CEP162: variants seen among roughly 807,000 people sequenced by gnomAD.
The protein encoded by CEP162 is centrosomal protein of 162 kDa.
Under a neutral mutation model 169.2 loss-of-function variants are expected in CEP162, and 141 were observed. The ratio of observed to expected loss-of-function variants is 0.83; its 90% confidence interval spans 0.73 to 0.96. The LOEUF (loss-of-function observed/expected upper bound fraction) is 0.96, where lower values mean the gene tolerates loss of function less well. Ranked by LOEUF, CEP162 falls within the 40% of genes least tolerant of loss-of-function variation. The probability of loss-of-function intolerance (pLI) is 0.00; values close to 1 mark genes in which losing one functional copy is unlikely to be tolerated. For synonymous variants in CEP162, 540 were observed against 526.4 expected (o/e 1.03, Z -0.35); for missense variants, 1,600 against 1,587.2 (o/e 1.01, Z -0.14).
chr6:84,193,374 T>C (rs2099540715), intron 11 of CEP162, among the ~76,000 whole-genome samples: 1 of 152,236 alleles, frequency 6.6e-6, no homozygotes, highest in Non-Finnish European at 1.5e-5. Context: ...TATTTTTCAG[T>C]GAAAACCTTT....
intron 2 of CEP162, among the ~76,000 whole-genome samples, chr6:84,224,390 G>C (rs1324542885): frequency 6.6e-6 from 1 of 152,096 alleles, no homozygotes; most frequent in Non-Finnish European, 1.5e-5. Context: ...AGGGAAGGGG[G>C]AACAAGGAGA....
intron 25 of CEP162, among the ~76,000 whole-genome samples, chr6:84,133,103 G>A (rs2129186042): frequency 2.0e-5 from 3 of 152,316 alleles, no homozygotes; most frequent in Admixed American, 2.0e-4. Context: ...CTGCAGGTCT[G>A]TTGGGAGTTT....
chr6:84,179,475 GTTCATATCCTT>G (rs2099533817), intron 13 of CEP162, among the ~76,000 whole-genome samples: 1 of 152,112 alleles, frequency 6.6e-6, no homozygotes, highest in Non-Finnish European at 1.5e-5. Flanking sequence ...AGAAGTGTCT[GTTCATATCCTT>G]TTCATATCCT....
At chr6:84,160,963 A>G (rs1214222286) in intron 20 of CEP162, 47 bp from the exon 21 acceptor site, 1 of 1,288,338 alleles carries the variant, frequency 7.8e-7, no homozygotes, top group African/African-American at 1.5e-5. Context: ...TAAACATAAC[A>G]GAAAAGCTCC....
chr6:84,200,745 GCATTC>G (rs766731671), intron 9 of CEP162, 39 bp downstream of exon 9: 2 of 919,462 alleles, frequency 2.2e-6, no homozygotes, highest in East Asian at 4.9e-5. Flanking sequence ...TAGTCATAAA[GCATTC>G]CATATTTAGA....
intron 25 of CEP162, among the ~76,000 whole-genome samples, chr6:84,135,677 AC>A: frequency 6.6e-6 from 1 of 152,320 alleles, no homozygotes; most frequent in East Asian, 1.9e-4. Flanking sequence ...AGCCTGGCCG[AC>A]ATGGTGAAAC....
chr6:84,165,474 CT>C (rs1376110615), intron 18 of CEP162, among the ~76,000 whole-genome samples: 1 of 152,082 alleles, frequency 6.6e-6, no homozygotes, highest in East Asian at 1.9e-4. Flanking sequence ...TGATAACCCC[CT>C]CTTCTGTCTC....
intron 13 of CEP162, among the ~76,000 whole-genome samples, chr6:84,183,016 A>G (rs1294935150): frequency 6.6e-6 from 1 of 152,070 alleles, no homozygotes; most frequent in Non-Finnish European, 1.5e-5. Flanking sequence ...TAAAACTAAA[A>G]CTTCTCTGGG....
At chr6:84,208,512 C>G (rs889010231) in intron 6 of CEP162, among the ~76,000 whole-genome samples, 2 of 152,138 alleles carry the variant, frequency 1.3e-5, no homozygotes, top group South Asian at 4.1e-4. Context: ...AGAATGAAGA[C>G]GAAGACGACA....
intron 10 of CEP162, 74 bp downstream of exon 10, chr6:84,194,810 T>C (rs2099541446): frequency 4.3e-6 from 5 of 1,155,276 alleles, no homozygotes; most frequent in Non-Finnish European, 4.9e-6. Context: ...GCAAATTGTA[T>C]TTTAATTATA....
At position 84,172,891 on chromosome 6, in the gene CEP162, G is replaced by C. The variant is rs573090563; in HGVS notation, c.2166+1157C>G. On this transcript the variant is annotated intron_variant, in intron 16 of 26. Coordinates refer to ENST00000403245, the MANE Select transcript of CEP162 (RefSeq NM_014895.4). ...AAGGGTGTGGGAGGCACAGAACAAA[G>C]ATAAAGTCTTATGTTGATTTGAAGA... Among the ~76,000 whole-genome samples, 14 of 152,242 alleles carry C rather than the reference G, an allele frequency of 9.2e-5. No homozygotes were observed. The South Asian group carries it at 2.9e-3, about 32-fold the overall frequency.
At chr6:84,172,525 A>C (rs2099530580) in intron 16 of CEP162, among the ~76,000 whole-genome samples, 1 of 152,156 alleles carries the variant, frequency 6.6e-6, no homozygotes, top group Non-Finnish European at 1.5e-5. Flanking sequence ...AGAATTAACA[A>C]ACATTTCCCC....
intron 3 of CEP162, chr6:84,219,068 T>C (rs1211043636): frequency 4.3e-6 from 3 of 696,966 alleles, no homozygotes; most frequent in South Asian, 3.9e-5. Flanking sequence ...AAAATTATAA[T>C]GTAAAAGCCG....
chr6:84,216,912 T>C (rs1191903971), intron 3 of CEP162, among the ~76,000 whole-genome samples: 1 of 152,190 alleles, frequency 6.6e-6, no homozygotes, highest in Non-Finnish European at 1.5e-5. Flanking sequence ...TTTTTTATAA[T>C]AAAAAGTTTC....
chr6:84,126,331 C>A, intron 26 of CEP162, 47 bp downstream of exon 26: 1 of 1,398,704 alleles, frequency 7.1e-7, no homozygotes, highest in South Asian at 1.7e-5. Context: ...ATTAAAGGCA[C>A]TTAAAAGTAA....
Position 84,215,440 on chromosome 6 carries a change from A to C in CEP162, c.345T>G (p.His115Gln). The part of the protein sequence containing the change: ...TNELVVSELN[H>Q]SSLGVGLDTL... ...TGTCCAATCCCACTCCGAGACTACT[A>C]TGGTTGAGCTCAGAAACTACTAGTT... The change falls in exon 5 of 27, where the codon CAT (histidine) becomes CAG (glutamine). Residue 115 changes from histidine to glutamine, a missense_variant. Coordinates refer to ENST00000403245, the MANE Select transcript of CEP162 (RefSeq NM_014895.4). 1 of 1,600,510 alleles carries C rather than the reference A, an allele frequency of 6.2e-7. No homozygotes were observed. Among genetic ancestry groups the C allele is most frequent in the East Asian group, 2.2e-5 (1 of 44,518 alleles).
intron 3 of CEP162, chr6:84,219,290 A>T: frequency 1.9e-6 from 1 of 514,136 alleles, no homozygotes; most frequent in Middle Eastern, 3.2e-4. Context: ...GTGGGCAGGG[A>T]AACCTCCCGC....
intron 3 of CEP162, among the ~76,000 whole-genome samples, chr6:84,216,522 G>A (rs2099551609): frequency 6.6e-6 from 1 of 152,104 alleles, no homozygotes; most frequent in Admixed American, 6.5e-5. Flanking sequence ...GCATACTGTT[G>A]GGGACGGGAG....
chr6:84,162,283 A>G (rs972694083), intron 19 of CEP162, among the ~76,000 whole-genome samples: 3 of 152,228 alleles, frequency 2.0e-5, no homozygotes, highest in African/African-American at 7.2e-5. Flanking sequence ...AAAAAGTAAC[A>G]ACGACAAACA....
Sources: gnomAD v4.1 joint callset for allele counts (sites outside exome capture counted in the v4.1 genomes callset) on GRCh38, gnomAD v4.1.1 for gene constraint, MANE v1.5 for transcripts, NCBI Gene and HGNC (gene_info 2026-07-23, HGNC 2026-07-21) for gene names.